The following ANKFN1 variants were observed in gnomAD, a reference collection of about 807,000 sequenced individuals.
ANKFN1 encodes the protein ankyrin repeat and fibronectin type III domain containing 1.
ANKFN1 carries 74 observed loss-of-function variants against 108.7 expected under a neutral mutation model. The ratio of observed to expected loss-of-function variants is 0.68; its 90% confidence interval spans 0.56 to 0.83. The LOEUF (loss-of-function observed/expected upper bound fraction) is 0.83. Among genes scored for constraint, ANKFN1 ranks in the 40% least tolerant of loss-of-function variants. ANKFN1 has a pLI of 0.00. For missense variants in ANKFN1, 1,505 were observed against 1,382.3 expected, an observed-to-expected ratio of 1.09 and a Z score of -1.41; for synonymous variants, 547 against 516.2, an observed-to-expected ratio of 1.06 and a Z score of -0.81.
chr17:56,157,180 A>C (rs1398331499), intron 1 of ANKFN1, among the ~76,000 whole-genome samples: 1 of 152,174 alleles, frequency 6.6e-6, no homozygotes. Context: ...AGGGGACAGC[A>C]AAGGGAGAGG....
chr17:56,495,882 G>A (rs1384564822), intron 19 of ANKFN1, among the ~76,000 whole-genome samples: 1 of 152,082 alleles, frequency 6.6e-6, no homozygotes, highest in Non-Finnish European at 1.5e-5. Context: ...TCTTGCCTGA[G>A]TAAAGAGAAA....
At chr17:56,103,107 C>A (rs1905679479) in intron 4 of ANKFN1, among the ~76,000 whole-genome samples, 1 of 152,156 alleles carries the variant, frequency 6.6e-6, no homozygotes, top group South Asian at 2.1e-4. Context: ...TGGATATCTA[C>A]AAAATGAGCA....
At position 56,111,421 on chromosome 17, in the gene ANKFN1, T is replaced by C. The variant is rs1321199291; in HGVS notation, c.288+65096T>C. On this transcript the variant is annotated intron_variant, in intron 4 of 12. Coordinates refer to the ANKFN1 transcript ENST00000635860. ...CCTTGTGTGCCTGTGAGTCTCTTTC[T>C]CCCTTTGAAATATGATCATACTGCT... Among the ~76,000 whole-genome samples, 9 of 151,696 alleles carry C rather than the reference T, an allele frequency of 5.9e-5. No homozygotes were observed. The East Asian group carries it at 1.6e-3, about 26-fold the overall frequency.
intron 4 of ANKFN1, among the ~76,000 whole-genome samples, chr17:56,112,072 CT>C (rs1025447643): frequency 2.0e-5 from 3 of 152,130 alleles, no homozygotes; most frequent in Non-Finnish European, 2.9e-5. Context: ...TCATGCAAGG[CT>C]TTATTGACAA....
intron 4 of ANKFN1, among the ~76,000 whole-genome samples, chr17:56,147,842 CT>C (rs1485192432): frequency 6.6e-6 from 1 of 152,164 alleles, no homozygotes; most frequent in Non-Finnish European, 1.5e-5. Flanking sequence ...GAATGGACTA[CT>C]TGTGTCAAGT....
At chr17:56,361,138 T>C (rs1333184600) in intron 6 of ANKFN1, among the ~76,000 whole-genome samples, 2 of 152,212 alleles carry the variant, frequency 1.3e-5, no homozygotes, top group Non-Finnish European at 2.9e-5. Flanking sequence ...TCCAGGTTCA[T>C]CCATGTTGTT....
chr17:56,186,800 C>T (rs957627477), intron 1 of ANKFN1, among the ~76,000 whole-genome samples: 4 of 152,072 alleles, frequency 2.6e-5, no homozygotes, highest in African/African-American at 7.2e-5. Context: ...AAAAATCGCA[C>T]GGGGCTGTAG....
rs111887102 is a variant in ANKFN1 at position 56,362,123 on chromosome 17, A to C, written c.601+8077A>C. On this transcript the variant is annotated intron_variant, in intron 6 of 20. Transcript: ENST00000682825. ...TATAAGATTATTGAGAATTAAGTGGAATAATACCATTAAAACATTTATCAC... is the reference window on the plus strand; with the variant it reads ...TATAAGATTATTGAGAATTAAGTGGCATAATACCATTAAAACATTTATCAC... Among the ~76,000 whole-genome samples the C allele has an allele frequency of 4.3e-3, 654 of 152,330 alleles. 11 individuals carry two copies. The highest frequency in any genetic ancestry group is 0.014 in the African/African-American group (594 of 41,566).
chr17:56,327,449 G>A (rs2045551096), intron 4 of ANKFN1, among the ~76,000 whole-genome samples: 1 of 152,128 alleles, frequency 6.6e-6, no homozygotes, highest in African/African-American at 2.4e-5. Context: ...TGACAAAGAT[G>A]AATGATGTCA....
chr17:56,114,864 G>A (rs919697376), intron 4 of ANKFN1, among the ~76,000 whole-genome samples: 6 of 152,194 alleles, frequency 3.9e-5, no homozygotes, highest in Admixed American at 2.6e-4. Flanking sequence ...TGACAGCAAG[G>A]TCAATGTGCT....
At chr17:56,242,339 T>C (rs1917645636) in intron 3 of ANKFN1, among the ~76,000 whole-genome samples, 1 of 152,122 alleles carries the variant, frequency 6.6e-6, no homozygotes, top group Non-Finnish European at 1.5e-5. Flanking sequence ...TCCATGGGTA[T>C]AACATATTGT....
At chr17:56,220,467 G>A (rs922277114) in intron 2 of ANKFN1, among the ~76,000 whole-genome samples, 2 of 151,866 alleles carry the variant, frequency 1.3e-5, no homozygotes, top group Non-Finnish European at 2.9e-5. Flanking sequence ...GACCAGCCTG[G>A]GTAACATGGC....
intron 2 of ANKFN1, among the ~76,000 whole-genome samples, chr17:56,223,845 A>T (rs1266172050): frequency 6.6e-6 from 1 of 152,262 alleles, no homozygotes; most frequent in Admixed American, 6.5e-5. Flanking sequence ...ACTGTCACAT[A>T]GTAAGCACTA....
intron 8 of ANKFN1, among the ~76,000 whole-genome samples, chr17:56,417,041 G>T (rs2048260517): frequency 6.6e-6 from 1 of 151,712 alleles, no homozygotes; most frequent in Non-Finnish European, 1.5e-5. Flanking sequence ...AGAATAGAAG[G>T]ATTGTTACCA....
intron 4 of ANKFN1, among the ~76,000 whole-genome samples, chr17:56,120,084 T>C (rs944398972): frequency 1.3e-5 from 2 of 152,200 alleles, no homozygotes; most frequent in Admixed American, 1.3e-4. Context: ...AAATGATGCT[T>C]CATTCTTCCA....
chr17:56,216,017 G>A (rs914152975), intron 2 of ANKFN1, among the ~76,000 whole-genome samples: 3 of 152,158 alleles, frequency 2.0e-5, no homozygotes, highest in Non-Finnish European at 4.4e-5. Flanking sequence ...CGATTCATAA[G>A]GAATTCAAGC....
chr17:56,107,429 A>G (rs951266435), intron 4 of ANKFN1, among the ~76,000 whole-genome samples: 10 of 152,214 alleles, frequency 6.6e-5, no homozygotes, highest in Non-Finnish European at 8.8e-5. Flanking sequence ...GAATTTTACA[A>G]TGACAGGTCA....
intron 4 of ANKFN1, among the ~76,000 whole-genome samples, chr17:56,072,789 T>C (rs1163675646): frequency 6.6e-6 from 1 of 152,016 alleles, no homozygotes; most frequent in East Asian, 1.9e-4. Context: ...GATGGCATTA[T>C]CTACAGATGG....
At chr17:56,125,596 C>T (rs557778872) in intron 4 of ANKFN1, among the ~76,000 whole-genome samples, 2 of 152,296 alleles carry the variant, frequency 1.3e-5, no homozygotes, top group East Asian at 3.9e-4. Context: ...TCATCATAGC[C>T]CTGTAAAGTA....
Sources: allele counts gnomAD v4.1 joint callset (sites outside exome capture counted in the v4.1 genomes callset), GRCh38; gene constraint gnomAD v4.1.1; transcripts MANE v1.5; gene names NCBI Gene and HGNC (gene_info 2026-07-23, HGNC 2026-07-21).